The following RABGAP1L variants were observed in gnomAD, a reference collection of about 807,000 sequenced individuals.
RABGAP1L encodes rab GTPase-activating protein 1-like.
In RABGAP1L, 63 loss-of-function variants were observed where a neutral mutation model predicts 137.7. The ratio of observed to expected loss-of-function variants is 0.46; its 90% CI spans 0.37 to 0.56. The LOEUF (loss-of-function observed/expected upper bound fraction) is 0.56, where lower values mean the gene tolerates loss of function less well. Among genes scored for constraint, RABGAP1L ranks in the 20% least tolerant of loss-of-function variants. RABGAP1L has a pLI of 0.00. For missense variants in RABGAP1L, 1,095 were observed against 1,244.0 expected (o/e 0.88, Z 1.80); for synonymous variants, 431 against 433.7 (o/e 0.99, Z 0.08).
chr1:174,529,608 G>T lies in RABGAP1L; in HGVS notation c.1711-107767G>T, dbSNP rs550223289. On this transcript the variant is annotated intron_variant, in intron 13 of 25. Transcript: ENST00000681986. ...CACTGATGTTGGCACGTCTAGGTGG[G>T]CCAATACTTGGGCCTCCAGGTGACT... 2.6e-5 allele frequency among the ~76,000 whole-genome samples: 4 copies of T among 152,232 alleles called. No individual in the cohort carries two copies. The South Asian group carries it at 8.3e-4, about 32-fold the overall frequency.
In RABGAP1L at chr1:174,982,830, T is replaced by G; in HGVS notation, c.2734-4T>G. ...CTAGTAAAAGACTCTTTTCTCATCC[T>G]TAGATCTGTTCGCAGTTGAGTACCA... On this transcript the variant is annotated splice_region_variant and splice_polypyrimidine_tract_variant and intron_variant, in intron 23 of 25. Coordinates refer to ENST00000681986, the MANE Select transcript of RABGAP1L (RefSeq NM_001366446.1). 2 of 1,550,332 alleles carry G rather than the reference T, an allele frequency of 1.3e-6. No homozygotes were observed. The highest frequency in any genetic ancestry group is 2.4e-5 in the South Asian group (2 of 84,044).
intron 13 of RABGAP1L, among the ~76,000 whole-genome samples, chr1:174,530,948 A>G (rs1043250864): frequency 6.6e-6 from 1 of 152,188 alleles, no homozygotes; most frequent in Non-Finnish European, 1.5e-5. Context: ...AATGAAGTTG[A>G]GCATATCTCT....
chr1:174,191,397 C>G (rs1236150000), intron 1 of RABGAP1L, among the ~76,000 whole-genome samples: 1 of 152,116 alleles, frequency 6.6e-6, no homozygotes, highest in African/African-American at 2.4e-5. Flanking sequence ...CTTAGTGTAT[C>G]CCTGGTATGT....
intron 19 of RABGAP1L, among the ~76,000 whole-genome samples, chr1:174,902,007 A>G (rs1658222119): frequency 6.6e-6 from 1 of 152,178 alleles, no homozygotes; most frequent in Admixed American, 6.5e-5. Context: ...ACCTGGAGGT[A>G]TCACCAGTGT....
chr1:174,661,838 G>C (rs183349530), intron 14 of RABGAP1L, among the ~76,000 whole-genome samples: 1 of 152,054 alleles, frequency 6.6e-6, no homozygotes, highest in Non-Finnish European at 1.5e-5. Context: ...ACATTATAGC[G>C]CAACACATTA....
intron 13 of RABGAP1L, among the ~76,000 whole-genome samples, chr1:174,406,039 T>C (rs1278534001): frequency 6.6e-6 from 1 of 152,068 alleles, no homozygotes; most frequent in Admixed American, 6.6e-5. Flanking sequence ...AAGAGGTTCT[T>C]TAAGAAAATA....
intron 11 of RABGAP1L, among the ~76,000 whole-genome samples, chr1:174,337,489 A>G (rs1028216430): frequency 2.0e-5 from 3 of 152,190 alleles, no homozygotes; most frequent in African/African-American, 7.2e-5. Context: ...AACATAGAAC[A>G]TTATGGACTT....
chr1:174,441,344 A>G (rs1429569439), intron 13 of RABGAP1L, among the ~76,000 whole-genome samples: 1 of 152,182 alleles, frequency 6.6e-6, no homozygotes, highest in African/African-American at 2.4e-5. Context: ...ATGTAAATAT[A>G]TATTAGTACT....
At chr1:174,462,016 G>C (rs1571914520) in intron 13 of RABGAP1L, among the ~76,000 whole-genome samples, 1 of 152,094 alleles carries the variant, frequency 6.6e-6, no homozygotes, top group African/African-American at 2.4e-5. Flanking sequence ...TTTTACCCAA[G>C]AACCTTCTGT....
intron 12 of RABGAP1L, among the ~76,000 whole-genome samples, chr1:174,383,871 G>T (rs1686470739): frequency 6.6e-6 from 1 of 152,104 alleles, no homozygotes; most frequent in South Asian, 2.1e-4. Flanking sequence ...TAGCCATTTT[G>T]GAAAATAGCA....
intron 13 of RABGAP1L, among the ~76,000 whole-genome samples, chr1:174,537,100 C>T (rs1664953675): frequency 6.6e-6 from 1 of 152,274 alleles, no homozygotes; most frequent in East Asian, 1.9e-4. Context: ...CTCTCCCACA[C>T]CAAACTATAA....
Position 174,550,999 on chromosome 1 carries a change from C to CATATATATATATATATATAT in RABGAP1L, c.1711-86372_1711-86353dup, listed in dbSNP as rs549477266. 6.3e-4 allele frequency among the ~76,000 whole-genome samples: 54 copies of CATATATATATATATATATAT among 86,320 alleles called. 1 individual carries two copies. The highest frequency in any genetic ancestry group is 4.2e-3 in the African/African-American group (50 of 12,032). The allele number at this position is 86,320 out of a possible 152,430, so 56.6% of individuals were successfully genotyped here. A position where few individuals can be genotyped will look rare whatever the true frequency, so the allele number is the denominator to read the frequency against. ...GTATATATACATATATATATATACA[C>CATATATATATATATATATAT]ATATATATATATATATATATATACA... On this transcript the variant is annotated intron_variant, in intron 13 of 25. Coordinates refer to ENST00000681986, the MANE Select transcript of RABGAP1L (RefSeq NM_001366446.1).
At chr1:174,264,519 AT>A in intron 7 of RABGAP1L, among the ~76,000 whole-genome samples, 1 of 152,156 alleles carries the variant, frequency 6.6e-6, no homozygotes, top group Non-Finnish European at 1.5e-5. Flanking sequence ...ACAACTTCAG[AT>A]CTTCATCTGG....
At chr1:174,843,732 G>T in intron 19 of RABGAP1L, among the ~76,000 whole-genome samples, 1 of 88,476 alleles carries the variant, frequency 1.1e-5, no homozygotes, top group Non-Finnish European at 2.3e-5. Flanking sequence ...TAGTCATTTG[G>T]GTATATACCC....
chr1:174,702,092 A>G, intron 16 of RABGAP1L, 21 bp from the exon 17 acceptor site: 1 of 1,601,836 alleles, frequency 6.2e-7, no homozygotes, highest in Non-Finnish European at 8.5e-7. Flanking sequence ...TTGCTCCTAA[A>G]TTTTCCACTT....
At chr1:174,418,137 G>A (rs1427847965) in intron 13 of RABGAP1L, among the ~76,000 whole-genome samples, 3 of 152,164 alleles carry the variant, frequency 2.0e-5, no homozygotes, top group Admixed American at 6.5e-5. Context: ...GTTGCTTACC[G>A]GTGCTTAGTG....
intron 6 of RABGAP1L, among the ~76,000 whole-genome samples, chr1:174,251,756 C>T (rs1034055660): frequency 6.6e-6 from 1 of 152,166 alleles, no homozygotes; most frequent in Non-Finnish European, 1.5e-5. Context: ...ATGCTCTTCT[C>T]ACTTCCTTTG....
intron 13 of RABGAP1L, among the ~76,000 whole-genome samples, chr1:174,546,755 G>A (rs991654364): frequency 6.6e-6 from 1 of 152,160 alleles, no homozygotes; most frequent in Non-Finnish European, 1.5e-5. Flanking sequence ...AGTTGGCCGG[G>A]CGCGGTGGCT....
intron 13 of RABGAP1L, among the ~76,000 whole-genome samples, chr1:174,535,976 G>T (rs1664857485): frequency 6.6e-6 from 1 of 152,112 alleles, no homozygotes; most frequent in South Asian, 2.1e-4. Flanking sequence ...TAGGCACTTG[G>T]TGAAGATTTG....
Sources: gnomAD v4.1 joint callset for allele counts (sites outside exome capture counted in the v4.1 genomes callset) on GRCh38, gnomAD v4.1.1 for gene constraint, MANE v1.5 for transcripts, NCBI Gene and HGNC (gene_info 2026-07-23, HGNC 2026-07-21) for gene names.